The following PTPRD variants were observed in gnomAD, a reference collection of about 807,000 sequenced individuals.
The protein encoded by PTPRD is protein tyrosine phosphatase receptor type D, also known as receptor-type tyrosine-protein phosphatase delta.
A neutral mutation model predicts 214.5 loss-of-function variants in PTPRD; 34 were observed. The observed-to-expected ratio is 0.16, with a 90% CI of 0.12 to 0.21. PTPRD has a LOEUF of 0.21. PTPRD is among the 10% of genes least tolerant of loss of function. The pLI, the probability that PTPRD is intolerant of heterozygous loss-of-function variation, is 1.00. For missense variants in PTPRD, 2,545 were observed against 2,398.7 expected, an observed-to-expected ratio of 1.06 and a Z score of -1.27; for synonymous variants, 1,128 against 845.7, an observed-to-expected ratio of 1.33 and a Z score of -5.79.
chr9:8,722,040 G>A (rs1236383765), intron 12 of PTPRD, among the ~76,000 whole-genome samples: 1 of 152,120 alleles, frequency 6.6e-6, no homozygotes, highest in Non-Finnish European at 1.5e-5. Flanking sequence ...GCTGCTTCCT[G>A]AGTAGAATTC....
rs534426172 is a variant in PTPRD, at chr9:9,726,119, C to T, written c.-287+8414G>A. Among the ~76,000 whole-genome samples, 5 of 152,282 alleles carry T rather than the reference C, an allele frequency of 3.3e-5. No individual in the cohort carries two copies. In the East Asian group the frequency reaches 9.6e-4, roughly 29 times the overall value. On this transcript the variant is annotated intron_variant, in intron 7 of 45. Transcript: ENST00000381196. ...CAACTTGTACATCTATTAAACAGAACATTGACATTGCTATAATACCAAGAA... is the reference window on the plus strand; with the variant it reads ...CAACTTGTACATCTATTAAACAGAATATTGACATTGCTATAATACCAAGAA...
chr9:8,519,424 G>A (rs928707271), intron 20 of PTPRD, among the ~76,000 whole-genome samples: 1 of 152,164 alleles, frequency 6.6e-6, no homozygotes, highest in African/African-American at 2.4e-5. Context: ...CTGAAACGCA[G>A]TGCTATTAGG....
intron 3 of PTPRD, among the ~76,000 whole-genome samples, chr9:10,220,729 A>G (rs1449427874): frequency 6.6e-6 from 1 of 151,848 alleles, no homozygotes; most frequent in Non-Finnish European, 1.5e-5. Flanking sequence ...TATATATTGC[A>G]TATGCTATCA....
Position 8,485,743 on chromosome 9 carries a change from G to GT in PTPRD, c.3055+18dup. 1 of 1,587,182 alleles carries GT rather than the reference G, an allele frequency of 6.3e-7. No individual in the cohort carries two copies. The highest frequency in any genetic ancestry group is 8.6e-7 in the Non-Finnish European group (1 of 1,163,314). On this transcript the variant is annotated intron_variant, in intron 28 of 45. Coordinates refer to ENST00000381196, the MANE Select transcript of PTPRD (RefSeq NM_002839.4). ...GACAATCCTTTAAAGGAGGAAGGCC[G>GT]TAAGCAGACAAATCCTACCTTGATC...
chr9:9,009,123 T>C (rs1231729465), intron 11 of PTPRD, among the ~76,000 whole-genome samples: 1 of 142,094 alleles, frequency 7.0e-6, no homozygotes, highest in East Asian at 2.0e-4. Flanking sequence ...AATCATTCTC[T>C]CATTCACCTA....
intron 5 of PTPRD, among the ~76,000 whole-genome samples, chr9:9,795,358 A>G (rs2098995159): frequency 6.6e-6 from 1 of 152,206 alleles, no homozygotes; most frequent in Non-Finnish European, 1.5e-5. Flanking sequence ...TAACTCACCC[A>G]GCTTTGAAAT....
intron 2 of PTPRD, among the ~76,000 whole-genome samples, chr9:10,496,723 T>C (rs1247366653): frequency 6.6e-6 from 1 of 152,112 alleles, no homozygotes; most frequent in Admixed American, 6.6e-5. Flanking sequence ...TGAGCATTTT[T>C]GCATATGCTT....
intron 5 of PTPRD, among the ~76,000 whole-genome samples, chr9:9,889,005 A>G (rs558871396): frequency 6.6e-6 from 1 of 152,248 alleles, no homozygotes; most frequent in African/African-American, 2.4e-5. Flanking sequence ...ATTAAGTGAA[A>G]TAAGCTAGGT....
At chr9:9,856,780 T>C (rs563148721) in intron 5 of PTPRD, among the ~76,000 whole-genome samples, 7 of 152,164 alleles carry the variant, frequency 4.6e-5, no homozygotes, top group Non-Finnish European at 1.0e-4. Flanking sequence ...CCCTTCTTTC[T>C]TGAATGGATG....
At chr9:9,029,351 T>G (rs1343235962) in intron 10 of PTPRD, among the ~76,000 whole-genome samples, 1 of 151,766 alleles carries the variant, frequency 6.6e-6, no homozygotes, top group East Asian at 1.9e-4. Flanking sequence ...TGCTGATTGG[T>G]TAGGAGGGGC....
chr9:9,574,600 T>A (rs1043950348), intron 8 of PTPRD, 132 bp downstream of exon 8: 1 of 151,996 alleles, frequency 6.6e-6, no homozygotes, highest in African/African-American at 2.4e-5. Context: ...AAATATCACA[T>A]AATTTCTTCA....
At chr9:9,730,537 C>T (rs2061698714) in intron 7 of PTPRD, among the ~76,000 whole-genome samples, 2 of 152,076 alleles carry the variant, frequency 1.3e-5, no homozygotes, top group Admixed American at 6.6e-5. Context: ...TTCTCAATAA[C>T]TATATAAGTA....
Position 9,745,087 on chromosome 9 carries a change from T to A in PTPRD, c.-325-10516A>T, listed in dbSNP as rs547684442. 2.0e-5 allele frequency among the ~76,000 whole-genome samples: 3 copies of A among 152,146 alleles called. No individual in the cohort carries two copies. In the East Asian group the frequency reaches 5.8e-4, roughly 29 times the overall value. On this transcript the variant is annotated intron_variant, in intron 6 of 45. Transcript: ENST00000381196. Reference sequence around the variant, plus strand: ...GTGGACTGATAAAATACTTTAAACATGAAAAGTAACTTAATTATTAAAAAT... The same window carrying A: ...GTGGACTGATAAAATACTTTAAACAAGAAAAGTAACTTAATTATTAAAAAT...
intron 11 of PTPRD, among the ~76,000 whole-genome samples, chr9:8,947,462 C>CAAAAAAAA (rs138279192): frequency 4.3e-5 from 4 of 92,972 alleles, no homozygotes; most frequent in African/African-American, 1.6e-4. Context: ...GACTCTGTCT[C>CAAAAAAAA]AAAAAAAAAA....
chr9:8,736,449 CAT>C (rs1172400744), intron 11 of PTPRD, among the ~76,000 whole-genome samples: 1 of 151,990 alleles, frequency 6.6e-6, no homozygotes, highest in Non-Finnish European at 1.5e-5. Context: ...ATATTTGAAA[CAT>C]ATACAAAATT....
At chr9:9,568,680 G>A (rs1390129880) in intron 8 of PTPRD, among the ~76,000 whole-genome samples, 1 of 151,858 alleles carries the variant, frequency 6.6e-6, no homozygotes, top group African/African-American at 2.4e-5. Context: ...ACGATAATCA[G>A]ATGCTATGTC....
In PTPRD at chr9:9,769,499, G is replaced by C. The variant is rs188754856; in HGVS notation, c.-367-2648C>G. The stretch of plus-strand genomic sequence containing the variant: ...CGCCACCACACCCGGCTAATTTTTT[G>C]TATTTTTTAGTAGAGACGAGGTTTC... On this transcript the variant is annotated intron_variant, in intron 5 of 45. Coordinates refer to ENST00000381196, the MANE Select transcript of PTPRD (RefSeq NM_002839.4). 5.5e-3 allele frequency among the ~76,000 whole-genome samples: 827 copies of C among 151,628 alleles called. 9 individuals carry two copies. Among genetic ancestry groups the C allele is most frequent in the African/African-American group, 0.019 (777 of 41,340 alleles).
At chr9:8,351,165 T>C (rs995958854) in intron 39 of PTPRD, among the ~76,000 whole-genome samples, 9 of 152,144 alleles carry the variant, frequency 5.9e-5, no homozygotes, top group African/African-American at 2.2e-4. Flanking sequence ...ATTGACCCTC[T>C]CCAAAATAGC....
rs529955595 is a variant in PTPRD at position 8,335,473 on chromosome 9, G to A, written c.5379+3449C>T. On this transcript the variant is annotated intron_variant, in intron 43 of 45. Transcript: ENST00000381196. ...TGTGCTAACAACTCTCAATAAACTA[G>A]GTACTGATGGAACGTATCTCAAAAT... 7.2e-5 allele frequency among the ~76,000 whole-genome samples: 11 copies of A among 152,234 alleles called. No homozygotes were observed. In the South Asian group the frequency reaches 2.3e-3, roughly 32 times the overall value.
Sources: gnomAD v4.1 joint callset for allele counts (sites outside exome capture counted in the v4.1 genomes callset) on GRCh38, gnomAD v4.1.1 for gene constraint, MANE v1.5 for transcripts, NCBI Gene and HGNC (gene_info 2026-07-23, HGNC 2026-07-21) for gene names.